RAB3C: variants seen among roughly 807,000 people sequenced by gnomAD.
RAB3C encodes RAB3C, member RAS oncogene family.
In RAB3C, 17 loss-of-function variants were observed where a neutral mutation model predicts 26.4. The ratio of observed to expected loss-of-function variants is 0.64; its 90% CI spans 0.44 to 0.97. The LOEUF (loss-of-function observed/expected upper bound fraction) is 0.97, where lower values mean the gene tolerates loss of function less well. Among genes scored for constraint, RAB3C ranks in the 50% least tolerant of loss-of-function variants. The pLI, the probability that RAB3C is intolerant of heterozygous loss-of-function variation, is 0.00. For synonymous variants in RAB3C, 91 were observed against 95.9 expected (o/e 0.95, Z 0.30); for missense variants, 242 against 281.9 (o/e 0.86, Z 1.01).
chr5:58,802,321 A>G (rs1742827112), intron 3 of RAB3C, among the ~76,000 whole-genome samples: 2 of 152,178 alleles, frequency 1.3e-5, no homozygotes, highest in African/African-American at 2.4e-5. Context: ...CCAGGTTCAA[A>G]GGAAGACAAA....
chr5:58,828,902 T>TA (rs1743549717), intron 4 of RAB3C, among the ~76,000 whole-genome samples: 1 of 113,206 alleles, frequency 8.8e-6, no homozygotes, highest in Non-Finnish European at 1.6e-5. Flanking sequence ...TTTACCATGC[T>TA]TTTTTTTTTT....
intron 1 of RAB3C, among the ~76,000 whole-genome samples, chr5:58,584,858 T>A (rs1745978649): frequency 6.6e-6 from 1 of 152,096 alleles, no homozygotes; most frequent in African/African-American, 2.4e-5. Flanking sequence ...CAGAGTTGCT[T>A]AGAATGTTCA....
chr5:58,655,948 C>T (rs1038104467), intron 2 of RAB3C, among the ~76,000 whole-genome samples: 23 of 152,148 alleles, frequency 1.5e-4, no homozygotes, highest in African/African-American at 5.1e-4. Context: ...AGGCGCCCGC[C>T]ACCACGCCCG....
intron 2 of RAB3C, among the ~76,000 whole-genome samples, chr5:58,691,866 G>A (rs1183313270): frequency 1.3e-5 from 2 of 152,144 alleles, no homozygotes; most frequent in Non-Finnish European, 2.9e-5. Context: ...GTGTGGAACT[G>A]GTCTTCTTGT....
intron 4 of RAB3C, among the ~76,000 whole-genome samples, chr5:58,827,715 A>G (rs780731480): frequency 1.1e-4 from 16 of 152,222 alleles, no homozygotes; most frequent in Non-Finnish European, 2.1e-4. Context: ...AGCTGTTGTC[A>G]TAGCAACCAA....
Position 58,661,667 on chromosome 5 carries a change from G to C in RAB3C, c.252+43797G>C, listed in dbSNP as rs1363334. Among the ~76,000 whole-genome samples, 29 of 146,112 alleles carry C rather than the reference G, an allele frequency of 2.0e-4. No individual in the cohort carries two copies. In the East Asian group the frequency reaches 5.7e-3, roughly 29 times the overall value. Reference sequence around the variant, plus strand: ...GTGTGGTGGCAATGCTTGAGAGCAGGGACACTGCAAGATAGGTCTTAAAGG... The same window carrying C: ...GTGTGGTGGCAATGCTTGAGAGCAGCGACACTGCAAGATAGGTCTTAAAGG... On this transcript the variant is annotated intron_variant, in intron 2 of 4. Transcript: ENST00000282878.
At chr5:58,760,800 G>A (rs557252601) in intron 3 of RAB3C, among the ~76,000 whole-genome samples, 1 of 152,158 alleles carries the variant, frequency 6.6e-6, no homozygotes, top group Non-Finnish European at 1.5e-5. Flanking sequence ...GGAACTTACA[G>A]TCTAGTTAAT....
intron 4 of RAB3C, among the ~76,000 whole-genome samples, chr5:58,845,613 T>TA (rs386358131): frequency 3.5e-5 from 2 of 57,876 alleles, no homozygotes; most frequent in African/African-American, 1.6e-4. Flanking sequence ...TATATATATA[T>TA]GTGTGTGTGT....
chr5:58,676,472 C>T (rs1748229902), intron 2 of RAB3C, among the ~76,000 whole-genome samples: 1 of 151,760 alleles, frequency 6.6e-6, no homozygotes, highest in South Asian at 2.1e-4. Context: ...CATTGTGCTC[C>T]AATGTGGGCA....
chr5:58,779,605 CT>C (rs1742229656), intron 3 of RAB3C, among the ~76,000 whole-genome samples: 1 of 151,912 alleles, frequency 6.6e-6, no homozygotes, highest in South Asian at 2.1e-4. Flanking sequence ...CTAGGCTGGT[CT>C]TGAACTCCTG....
chr5:58,638,151 C>T (rs1310426526), intron 2 of RAB3C, among the ~76,000 whole-genome samples: 1 of 152,092 alleles, frequency 6.6e-6, no homozygotes, highest in African/African-American at 2.4e-5. Flanking sequence ...TTTTACACTT[C>T]CAACAAGAGG....
intron 2 of RAB3C, among the ~76,000 whole-genome samples, chr5:58,652,962 G>GA (rs934415193): frequency 5.9e-5 from 9 of 151,742 alleles, no homozygotes; most frequent in East Asian, 1.9e-4. Flanking sequence ...GCAATTTAGG[G>GA]AAAAAAAAGC....
intron 3 of RAB3C, among the ~76,000 whole-genome samples, chr5:58,789,389 C>T (rs1034308824): frequency 2.0e-5 from 3 of 152,148 alleles, no homozygotes; most frequent in Non-Finnish European, 4.4e-5. Flanking sequence ...GAATAACAGA[C>T]ATTTGCTCCT....
chr5:58,804,667 ATGTGTGTGTGTG>A (rs142259686), intron 3 of RAB3C, among the ~76,000 whole-genome samples: 2 of 149,410 alleles, frequency 1.3e-5, no homozygotes, highest in African/African-American at 2.4e-5. Context: ...TGGGGTGCAT[ATGTGTGTGTGTG>A]TGTGTGTGTG....
At chr5:58,821,794 T>C (rs1354306442) in intron 3 of RAB3C, among the ~76,000 whole-genome samples, 1 of 152,220 alleles carries the variant, frequency 6.6e-6, no homozygotes, top group Non-Finnish European at 1.5e-5. Flanking sequence ...CTTCACTCTT[T>C]CCTTTCTTCT....
Position 58,660,408 on chromosome 5 carries a change from C to G in RAB3C, c.252+42538C>G, listed in dbSNP as rs541915056. Among the ~76,000 whole-genome samples the G allele has an allele frequency of 2.7e-5, 4 of 150,208 alleles. 1 individual carries two copies. Among genetic ancestry groups the G allele is most frequent in the African/African-American group, 1.0e-4 (4 of 39,602 alleles). The stretch of plus-strand genomic sequence containing the variant: ...ATTCTTCTTCCCATTCACTCCCACC[C>G]CAAGCCATGCAGAAACAACATGAGA... On this transcript the variant is annotated intron_variant, in intron 2 of 4. Transcript: ENST00000282878.
rs969588525 is a variant in RAB3C, at chr5:58,608,731, A to C, written c.25-8912A>C. ...ATAAATCATGCTACTATAAAGACAC[A>C]TGCACATGTATATTTATTGTGGCAC... is the stretch of plus-strand genomic sequence containing the variant. On this transcript the variant is annotated intron_variant, in intron 1 of 4. Coordinates refer to ENST00000282878, the MANE Select transcript of RAB3C (RefSeq NM_138453.4). Among the ~76,000 whole-genome samples, 37 of 152,218 alleles carry C rather than the reference A, an allele frequency of 2.4e-4. 1 individual carries two copies. Among genetic ancestry groups the C allele is most frequent in the Admixed American group, 2.4e-3 (37 of 15,272 alleles).
intron 3 of RAB3C, among the ~76,000 whole-genome samples, chr5:58,728,593 A>G (rs144511186): frequency 5.2e-4 from 79 of 152,100 alleles, no homozygotes; most frequent in Admixed American, 1.4e-3. Flanking sequence ...GTAATATCTT[A>G]TTATGTACAG....
At chr5:58,667,204 G>A (rs1748020374) in intron 2 of RAB3C, among the ~76,000 whole-genome samples, 1 of 152,136 alleles carries the variant, frequency 6.6e-6, no homozygotes, top group Admixed American at 6.6e-5. Flanking sequence ...TTGGCAATTT[G>A]CCCAGTTATA....
Sources: gnomAD v4.1 joint callset for allele counts (sites outside exome capture counted in the v4.1 genomes callset) on GRCh38, gnomAD v4.1.1 for gene constraint, MANE v1.5 for transcripts, NCBI Gene and HGNC (gene_info 2026-07-23, HGNC 2026-07-21) for gene names.